Variants in REV3L observed in about 807,000 individuals in gnomAD.
REV3L encodes the protein REV3 like, DNA directed polymerase zeta catalytic subunit.
In REV3L, 69 loss-of-function variants were observed where a neutral mutation model predicts 299.4. The observed-to-expected ratio is 0.23, with a 90% CI of 0.19 to 0.28. The LOEUF is 0.28. REV3L is among the 10% of genes least tolerant of loss of function. REV3L has a pLI of 1.00. For synonymous variants in REV3L, 1,238 were observed against 1,271.4 expected (o/e 0.97, Z 0.56); for missense variants, 3,128 against 3,693.8 (o/e 0.85, Z 3.97).
intron 1 of REV3L, among the ~76,000 whole-genome samples, chr6:111,456,516 A>G (rs1038756036): frequency 3.3e-5 from 5 of 152,272 alleles, no homozygotes; most frequent in East Asian, 1.9e-4. Flanking sequence ...AGATGTCCCT[A>G]TCTCAAAATC....
At chr6:111,465,125 T>C (rs574604073) in intron 1 of REV3L, among the ~76,000 whole-genome samples, 1 of 148,914 alleles carries the variant, frequency 6.7e-6, no homozygotes, top group Admixed American at 6.7e-5. Flanking sequence ...TCTCTTGTTG[T>C]GCTGGAGTGC....
chr6:111,422,222 C>T (rs1277818339), intron 1 of REV3L, among the ~76,000 whole-genome samples: 1 of 152,058 alleles, frequency 6.6e-6, no homozygotes, highest in Non-Finnish European at 1.5e-5. Context: ...TATAATAGCT[C>T]TGTGGCTCTG....
intron 17 of REV3L, 117 bp from the exon 18 acceptor site, chr6:111,357,242 A>G (rs535670392): frequency 7.1e-5 from 25 of 353,048 alleles, no homozygotes; most frequent in African/African-American, 5.1e-4. Context: ...AAATATTTCA[A>G]ATTAAGAAAA....
At chr6:111,384,217 C>A (rs1781110537) in intron 9 of REV3L, among the ~76,000 whole-genome samples, 1 of 151,900 alleles carries the variant, frequency 6.6e-6, no homozygotes, top group Non-Finnish European at 1.5e-5. Context: ...GAAATATCCC[C>A]AAAGCACAGG....
chr6:111,375,079 G>C lies in REV3L; in HGVS notation c.3276C>G (p.Tyr1092Ter). 1 of 1,613,934 alleles carries C rather than the reference G, an allele frequency of 6.2e-7. No individual in the cohort carries two copies. Among genetic ancestry groups the C allele is most frequent in the African/African-American group, 1.3e-5 (1 of 75,038 alleles). Residue 1092 changes from tyrosine (Y) to a stop codon, truncating the protein, a stop_gained, in exon 13 of 32, where the codon TAC becomes TAG. Coordinates refer to ENST00000368802, the MANE Select transcript of REV3L (RefSeq NM_001372078.1). LOFTEE classifies it high-confidence loss of function. ...GGTCACAATCTTCGGTTTCAGCATTGTAAGATGGTGAGGGAGGAGAAAGAA... is the reference window on the plus strand; with the variant it reads ...GGTCACAATCTTCGGTTTCAGCATTCTAAGATGGTGAGGGAGGAGAAAGAA... ...HAILSPPSPS[Y>*]NAETEDCDLN...
intron 1 of REV3L, among the ~76,000 whole-genome samples, chr6:111,468,731 T>C (rs967099845): frequency 1.9e-5 from 2 of 104,376 alleles, no homozygotes; most frequent in Admixed American, 1.1e-4. Context: ...TTGTAAGATG[T>C]TTAAAAATGT....
chr6:111,392,951 C>A lies in REV3L; in HGVS notation c.587G>T (p.Gly196Val). 4 of 1,609,230 alleles carry A rather than the reference C, an allele frequency of 2.5e-6. No individual in the cohort carries two copies. In the African/African-American group the frequency reaches 4.0e-5, roughly 16 times the overall value. ...TCCTGATAAATGATTCTTGCAGGAT[C>A]CAGTTGCATGCAATGTATTACCTAG... is the stretch of plus-strand genomic sequence containing the variant. ...RRKSNTLHAT[G>V]SCKNHLSGNS... Residue 196 changes from glycine to valine, a missense_variant, in exon 5 of 32, where the codon GGA becomes GTA. This residue lies in a region of REV3L where 2,409 missense variants were observed against 2,611.8 expected (regional missense o/e 0.92). Transcript: ENST00000368802.
At position 111,303,677 on chromosome 6, in the gene REV3L, TTTTTTTTTTTTAACAGACTATGAC is replaced by T. The variant is rs1335734541; in HGVS notation, c.9253-3545_9253-3522del. On this transcript the variant is annotated intron_variant, in intron 31 of 31. Transcript: ENST00000368802. ...CCATGATCCCCAGCCGAGGCTTTTT[TTTTTTTTTTTTAACAGACTATGAC>T]TTTTTTTTTTTTTTTTTTTTTTTTT... Among the ~76,000 whole-genome samples the T allele has an allele frequency of 5.4e-4, 47 of 87,576 alleles. 11 individuals carry two copies. The highest frequency in any genetic ancestry group is 1.2e-3 in the Non-Finnish European group (39 of 31,786). 57.5% of individuals were successfully genotyped at this position (87,576 alleles called of 152,430 possible).
At chr6:111,475,185 T>C (rs560729493) in intron 1 of REV3L, among the ~76,000 whole-genome samples, 5 of 152,278 alleles carry the variant, frequency 3.3e-5, no homozygotes, top group Admixed American at 2.0e-4. Flanking sequence ...GCAGTACACA[T>C]AGTATTCTCT....
intron 2 of REV3L, among the ~76,000 whole-genome samples, chr6:111,415,781 C>T (rs1784696899): frequency 6.6e-6 from 1 of 152,130 alleles, no homozygotes; most frequent in African/African-American, 2.4e-5. Flanking sequence ...TGTCACTAGT[C>T]TACTTCCTTA....
intron 22 of REV3L, among the ~76,000 whole-genome samples, chr6:111,334,584 T>A (rs1269050482): frequency 6.6e-6 from 1 of 152,184 alleles, no homozygotes; most frequent in Non-Finnish European, 1.5e-5. Context: ...TAATAACTAT[T>A]AGAAGGCTTG....
At chr6:111,406,790 G>T (rs1162444178) in intron 3 of REV3L, among the ~76,000 whole-genome samples, 1 of 151,994 alleles carries the variant, frequency 6.6e-6, no homozygotes, top group Non-Finnish European at 1.5e-5. Context: ...GTATAGTGGG[G>T]ATCCAATAAT....
At chr6:111,347,352 C>A (rs1285987153) in intron 20 of REV3L, among the ~76,000 whole-genome samples, 6 of 151,662 alleles carry the variant, frequency 4.0e-5, no homozygotes, top group Non-Finnish European at 8.8e-5. Context: ...TCTCTTATAT[C>A]CTGTGCTGTA....
At position 111,389,108 on chromosome 6, in the gene REV3L, T is replaced by C. The variant is rs146445238; in HGVS notation, c.860A>G (p.Gln287Arg). 5 of 1,611,406 alleles carry C rather than the reference T, an allele frequency of 3.1e-6. No homozygotes were observed. The highest frequency in any genetic ancestry group is 4.2e-6 in the Non-Finnish European group (5 of 1,177,590). ...ETSQMSQPES[Q>R]DHRFVPATES... is the part of the protein sequence containing the mutation. The stretch of plus-strand genomic sequence containing the variant: ...TCAGAGCACTATTAGGTTTATACCT[T>C]GTGACTCAGGTTGGCTCATTTGAGA... The change falls in exon 7 of 32, where the codon CAA becomes CGA. Residue 287 changes from glutamine (Q) to arginine (R), a missense_variant and splice_region_variant. Gln to Arg is a conservative substitution (Grantham distance 43). Coordinates refer to ENST00000368802, the MANE Select transcript of REV3L (RefSeq NM_001372078.1).
chr6:111,354,758 G>A (rs1286235061), intron 18 of REV3L, among the ~76,000 whole-genome samples: 1 of 152,114 alleles, frequency 6.6e-6, no homozygotes, highest in African/African-American at 2.4e-5. Flanking sequence ...TTGGGTAGAT[G>A]GGATTAGTGG....
At chr6:111,376,795 C>T (rs1780364051) in intron 12 of REV3L, 38 bp from the exon 13 acceptor site, 1 of 1,459,960 alleles carries the variant, frequency 6.8e-7, no homozygotes, top group Admixed American at 2.5e-5. Flanking sequence ...TTTCATTTTA[C>T]TCTTTTAATT....
rs1779988125 is a variant in REV3L, at chr6:111,373,350, C to T, written c.5005G>A (p.Ala1669Thr). 6.2e-7 allele frequency: 1 copy of T among 1,613,688 alleles called. No individual in the cohort carries two copies. Among genetic ancestry groups the T allele is most frequent in the Non-Finnish European group, 8.5e-7 (1 of 1,179,876 alleles). ...AACTTCTGAGGCAAATTCTGATCAG[C>T]TGGGACAAACTGACTTCCAGAATAA... is the stretch of plus-strand genomic sequence containing the variant. The part of the protein sequence containing the change: ...SFYSGSQFVP[A>T]DQNLPQKFLS... Residue 1669 changes from alanine (A) to threonine (T), a missense_variant, in exon 13 of 32, where the codon GCT (alanine) becomes ACT (threonine). By Grantham distance (58) the Ala-to-Thr change is moderately conservative (BLOSUM62 0). Coordinates refer to ENST00000368802, the MANE Select transcript of REV3L (RefSeq NM_001372078.1).
At chr6:111,432,061 C>T (rs531482412) in intron 1 of REV3L, among the ~76,000 whole-genome samples, 19 of 152,100 alleles carry the variant, frequency 1.2e-4, no homozygotes, top group African/African-American at 4.1e-4. Context: ...ATAACAGATT[C>T]ACTATAACTA....
intron 13 of REV3L, among the ~76,000 whole-genome samples, chr6:111,371,334 C>T (rs1243655466): frequency 6.6e-6 from 1 of 152,126 alleles, no homozygotes. Context: ...ACTCTGATTT[C>T]TATTTTGCTA....
Sources: gnomAD v4.1 joint callset for allele counts (sites outside exome capture counted in the v4.1 genomes callset) on GRCh38, gnomAD v4.1.1 for gene constraint, gnomAD v4.1.1 regional missense constraint, MANE v1.5 for transcripts, NCBI Gene and HGNC (gene_info 2026-07-23, HGNC 2026-07-21) for gene names.